The following GRM7 variants were observed in gnomAD, a reference collection of about 807,000 sequenced individuals.
GRM7 encodes the protein glutamate metabotropic receptor 7, also known as metabotropic glutamate receptor 7.
A neutral mutation model predicts 84.5 loss-of-function variants in GRM7; 35 were observed. The observed-to-expected ratio is 0.41, with a 90% CI of 0.32 to 0.55. The LOEUF (loss-of-function observed/expected upper bound fraction) is 0.55. Ranked by LOEUF, GRM7 falls within the 20% of genes least tolerant of loss-of-function variation. The pLI is 0.19. For missense variants in GRM7, 1,003 were observed against 1,194.6 expected, an observed-to-expected ratio of 0.84 and a Z score of 2.36; for synonymous variants, 487 against 455.1, an observed-to-expected ratio of 1.07 and a Z score of -0.89.
At chr3:6,886,138 T>C (rs1206578885) in intron 1 of GRM7, among the ~76,000 whole-genome samples, 4 of 152,028 alleles carry the variant, frequency 2.6e-5, no homozygotes, top group African/African-American at 9.7e-5. Context: ...GTGAGGACAC[T>C]AAGATTTTCT....
chr3:7,737,234 G>C (rs115705230), intron 9 of GRM7, among the ~76,000 whole-genome samples: 2,745 of 152,144 alleles, frequency 0.018, 42 homozygotes, highest in Non-Finnish European at 0.027. Context: ...AAGTAGCAAT[G>C]GTGTATTAAT....
chr3:7,646,087 A>T (rs1220424654), intron 8 of GRM7, among the ~76,000 whole-genome samples: 1 of 152,180 alleles, frequency 6.6e-6, no homozygotes, highest in African/African-American at 2.4e-5. Context: ...TGCAAAAGAG[A>T]AGTCTTGTGT....
chr3:7,648,248 G>GTTTT (rs60434793), intron 8 of GRM7, among the ~76,000 whole-genome samples: 23 of 146,014 alleles, frequency 1.6e-4, no homozygotes, highest in African/African-American at 5.0e-4. Flanking sequence ...GCTATAAATA[G>GTTTT]TTTTTTTTTT....
At chr3:6,964,093 A>G (rs900450890) in intron 1 of GRM7, among the ~76,000 whole-genome samples, 2 of 152,216 alleles carry the variant, frequency 1.3e-5, no homozygotes, top group Non-Finnish European at 2.9e-5. Context: ...TATTTTGAAG[A>G]TCAGCAATAG....
intron 7 of GRM7, among the ~76,000 whole-genome samples, chr3:7,531,122 T>C (rs966554470): frequency 7.2e-5 from 11 of 152,218 alleles, no homozygotes; most frequent in Non-Finnish European, 1.5e-4. Flanking sequence ...AATTTTTGTA[T>C]AAGGTGTAAG....
chr3:7,666,841 A>G (rs894913211), intron 8 of GRM7, among the ~76,000 whole-genome samples: 1 of 152,222 alleles, frequency 6.6e-6, no homozygotes, highest in South Asian at 2.1e-4. Flanking sequence ...GATACGAAGT[A>G]TAAAAAGTGA....
intron 8 of GRM7, among the ~76,000 whole-genome samples, chr3:7,609,587 G>A (rs147986029): frequency 2.4e-3 from 366 of 152,250 alleles, no homozygotes; most frequent in African/African-American, 8.4e-3. Context: ...GTGGGTGAAT[G>A]TGGGGTTAGA....
intron 4 of GRM7, among the ~76,000 whole-genome samples, chr3:7,388,877 T>G (rs1437316709): frequency 6.6e-6 from 1 of 152,110 alleles, no homozygotes; most frequent in African/African-American, 2.4e-5. Context: ...CACAATTCCA[T>G]TTAGTTCTCT....
chr3:6,964,210 T>G (rs1041783416), intron 1 of GRM7, among the ~76,000 whole-genome samples: 3 of 152,172 alleles, frequency 2.0e-5, no homozygotes, highest in Admixed American at 1.3e-4. Flanking sequence ...ATGGACTGGG[T>G]GGCTTATAAA....
At chr3:7,012,187 G>A (rs1695396801) in intron 1 of GRM7, among the ~76,000 whole-genome samples, 2 of 152,008 alleles carry the variant, frequency 1.3e-5, no homozygotes, top group Admixed American at 6.6e-5. Context: ...CATGAGTGAC[G>A]CCAGCCAAGT....
At chr3:7,398,933 CTTTG>C (rs937678572) in intron 4 of GRM7, among the ~76,000 whole-genome samples, 15 of 151,940 alleles carry the variant, frequency 9.9e-5, no homozygotes, top group African/African-American at 2.4e-5. Context: ...TTGATGGCTT[CTTTG>C]TTTGTCTTTG....
chr3:7,696,309 C>A (rs1008572066), intron 9 of GRM7, among the ~76,000 whole-genome samples: 1 of 152,142 alleles, frequency 6.6e-6, no homozygotes, highest in Admixed American at 6.6e-5. Flanking sequence ...AAGGTTTCCC[C>A]AATTCCTTTC....
At position 6,891,188 on chromosome 3, in the gene GRM7, T is replaced by A. The variant is rs529361156; in HGVS notation, c.519+29281T>A. The stretch of plus-strand genomic sequence containing the variant: ...TGATGGGTCTTGACTCTTTATCCAA[T>A]TTGCCAGTCTGTGTCTTTTAATTGG... On this transcript the variant is annotated intron_variant, in intron 1 of 9. Coordinates refer to ENST00000357716, the MANE Select transcript of GRM7 (RefSeq NM_000844.4). 4.3e-3 allele frequency among the ~76,000 whole-genome samples: 662 copies of A among 152,278 alleles called. 3 individuals are homozygous for A. Among genetic ancestry groups the A allele is most frequent in the African/African-American group, 0.014 (599 of 41,548 alleles).
chr3:7,301,789 A>AAC (rs140010372), intron 3 of GRM7, among the ~76,000 whole-genome samples: 71,961 of 151,872 alleles, frequency 0.47, 18,708 homozygotes, highest in Non-Finnish European at 0.6. Flanking sequence ...CATGATCTTA[A>AAC]ACAGTGTGTG....
intron 2 of GRM7, among the ~76,000 whole-genome samples, chr3:7,285,876 T>C (rs1575120737): frequency 6.6e-6 from 1 of 152,164 alleles, no homozygotes; most frequent in East Asian, 1.9e-4. Context: ...CCAACGTGAT[T>C]TTAATGTGAG....
chr3:7,384,974 A>G (rs1055495295), intron 4 of GRM7, among the ~76,000 whole-genome samples: 6 of 152,204 alleles, frequency 3.9e-5, no homozygotes, highest in Non-Finnish European at 8.8e-5. Context: ...AAAGATAACA[A>G]TTTTACTTTC....
intron 8 of GRM7, among the ~76,000 whole-genome samples, chr3:7,595,514 A>G (rs1695996681): frequency 1.3e-5 from 2 of 152,206 alleles, no homozygotes; most frequent in South Asian, 4.1e-4. Flanking sequence ...ATGCTGTGAT[A>G]TGATGGGAGG....
intron 8 of GRM7, among the ~76,000 whole-genome samples, chr3:7,579,640 C>A (rs768615515): frequency 1.2e-4 from 18 of 152,132 alleles, no homozygotes; most frequent in African/African-American, 4.3e-4. Context: ...AATTATCTAT[C>A]TAAAATAACC....
intron 3 of GRM7, among the ~76,000 whole-genome samples, chr3:7,305,327 C>T (rs1374530415): frequency 7.5e-6 from 1 of 133,968 alleles, no homozygotes. Flanking sequence ...TCCTATGCTG[C>T]TGCTTTTTTT....
Sources: gnomAD v4.1 joint callset for allele counts (sites outside exome capture counted in the v4.1 genomes callset) on GRCh38, gnomAD v4.1.1 for gene constraint, MANE v1.5 for transcripts, NCBI Gene and HGNC (gene_info 2026-07-23, HGNC 2026-07-21) for gene names.